The following GPC5 variants were observed in gnomAD, a reference collection of about 807,000 sequenced individuals.
The protein encoded by GPC5 is glypican-5.
A neutral mutation model predicts 53.9 loss-of-function variants in GPC5; 47 were observed. That is an observed-to-expected ratio of 0.87 (90% CI 0.69 to 1.11). GPC5 has a LOEUF of 1.11. Ranked by LOEUF, GPC5 falls within the 50% of genes most tolerant of loss-of-function variation. The probability of loss-of-function intolerance (pLI) is 0.00; values close to 1 mark genes in which losing one functional copy is unlikely to be tolerated. For synonymous variants in GPC5, 286 were observed against 263.3 expected, an observed-to-expected ratio of 1.09 and a Z score of -0.84; for missense variants, 748 against 713.1, an observed-to-expected ratio of 1.05 and a Z score of -0.56.
intron 7 of GPC5, among the ~76,000 whole-genome samples, chr13:92,367,912 C>T (rs766868041): frequency 1.3e-5 from 2 of 152,106 alleles, no homozygotes; most frequent in Non-Finnish European, 2.9e-5. Context: ...TGAAGTTGAT[C>T]AGTTACACTT....
chr13:91,762,201 A>G (rs2037427409), intron 5 of GPC5, among the ~76,000 whole-genome samples: 1 of 152,202 alleles, frequency 6.6e-6, no homozygotes, highest in Non-Finnish European at 1.5e-5. Flanking sequence ...TTAAAATCAG[A>G]TAAAATAGAA....
chr13:92,557,086 A>C (rs1882519727), intron 7 of GPC5, among the ~76,000 whole-genome samples: 1 of 150,704 alleles, frequency 6.6e-6, no homozygotes, highest in African/African-American at 2.4e-5. Context: ...GCACGATTTT[A>C]GGATCTCTGA....
In GPC5 at chr13:92,732,082, T is replaced by C. The variant is rs533890229; in HGVS notation, c.1562-134200T>C. 2.8e-4 allele frequency among the ~76,000 whole-genome samples: 42 copies of C among 151,554 alleles called. 1 individual carries two copies. The South Asian group carries it at 8.1e-3, about 29-fold the overall frequency. ...TAATTTTTTTTTAAATAGAAGCATA[T>C]GCAACTGGCTATGACAACTACAGAT... On this transcript the variant is annotated intron_variant, in intron 7 of 7. Coordinates refer to ENST00000377067, the MANE Select transcript of GPC5 (RefSeq NM_004466.6).
chr13:91,593,837 G>C (rs993725944), intron 2 of GPC5, among the ~76,000 whole-genome samples: 1 of 151,160 alleles, frequency 6.6e-6, no homozygotes, highest in Non-Finnish European at 1.5e-5. Context: ...ATAAAATAAT[G>C]TGTGGCCTGA....
intron 2 of GPC5, among the ~76,000 whole-genome samples, chr13:91,552,981 G>C (rs2030736399): frequency 6.6e-6 from 1 of 152,092 alleles, no homozygotes; most frequent in Non-Finnish European, 1.5e-5. Context: ...TAAATTTAAT[G>C]GTGCATCATG....
chr13:92,232,414 A>G (rs149064842), intron 7 of GPC5, among the ~76,000 whole-genome samples: 2 of 152,346 alleles, frequency 1.3e-5, no homozygotes, highest in South Asian at 2.1e-4. Context: ...TTCAAAAACC[A>G]TATAGCATCT....
chr13:92,678,611 G>C (rs1887021810), intron 7 of GPC5, among the ~76,000 whole-genome samples: 1 of 152,182 alleles, frequency 6.6e-6, no homozygotes, highest in African/African-American at 2.4e-5. Context: ...CGTGGAAATG[G>C]TAGAAGAGTT....
At chr13:91,816,180 C>T (rs867691252) in intron 5 of GPC5, among the ~76,000 whole-genome samples, 2 of 152,090 alleles carry the variant, frequency 1.3e-5, no homozygotes, top group Admixed American at 6.6e-5. Context: ...TTGACTGCCC[C>T]GCCTCCAAGC....
At chr13:92,402,071 G>A (rs1017350781) in intron 7 of GPC5, among the ~76,000 whole-genome samples, 4 of 151,938 alleles carry the variant, frequency 2.6e-5, no homozygotes, top group Admixed American at 6.6e-5. Flanking sequence ...CCTTTTTCCC[G>A]GAAAAAGGAA....
intron 2 of GPC5, among the ~76,000 whole-genome samples, chr13:91,644,505 T>C (rs2139512160): frequency 6.6e-6 from 1 of 152,350 alleles, no homozygotes; most frequent in Middle Eastern, 3.4e-3. Flanking sequence ...TCTCCTCTTT[T>C]CATTTTCAGT....
At chr13:91,914,443 T>C (rs1464222334) in intron 6 of GPC5, among the ~76,000 whole-genome samples, 2 of 152,094 alleles carry the variant, frequency 1.3e-5, no homozygotes, top group African/African-American at 4.8e-5. Context: ...AGACCCAAAC[T>C]TCTTTTCAAA....
At chr13:92,734,637 T>C (rs957430396) in intron 7 of GPC5, among the ~76,000 whole-genome samples, 22 of 152,066 alleles carry the variant, frequency 1.4e-4, no homozygotes, top group African/African-American at 4.6e-4. Context: ...TTCTCACTCT[T>C]AGTCCATATA....
chr13:92,629,485 A>C (rs1038157648), intron 7 of GPC5, among the ~76,000 whole-genome samples: 1 of 152,162 alleles, frequency 6.6e-6, no homozygotes. Flanking sequence ...TTACCTGTAC[A>C]TTATAAGAAA....
intron 7 of GPC5, among the ~76,000 whole-genome samples, chr13:92,228,570 T>C (rs1007969125): frequency 6.6e-6 from 1 of 152,100 alleles, no homozygotes; most frequent in Non-Finnish European, 1.5e-5. Context: ...TTTTCATATG[T>C]CCACTCAGTA....
intron 7 of GPC5, among the ~76,000 whole-genome samples, chr13:92,717,605 A>G (rs1888374126): frequency 6.6e-6 from 1 of 152,180 alleles, no homozygotes. Context: ...TATTTTCTTC[A>G]GAAGTCATCA....
At chr13:92,122,992 A>C (rs2138948114) in intron 6 of GPC5, among the ~76,000 whole-genome samples, 1 of 152,320 alleles carries the variant, frequency 6.6e-6, no homozygotes, top group Admixed American at 6.5e-5. Flanking sequence ...TGCAGAAAAT[A>C]ACTATTCTTT....
intron 6 of GPC5, among the ~76,000 whole-genome samples, chr13:91,942,961 T>C (rs548062348): frequency 3.9e-5 from 6 of 152,150 alleles, no homozygotes; most frequent in African/African-American, 7.2e-5. Context: ...GCATAAATGA[T>C]AAATAATTAT....
At chr13:92,450,935 A>C (rs1282893297) in intron 7 of GPC5, among the ~76,000 whole-genome samples, 1 of 152,212 alleles carries the variant, frequency 6.6e-6, no homozygotes, top group African/African-American at 2.4e-5. Context: ...TAAGAAAGGT[A>C]AAGGTTTTAG....
chr13:91,687,606 T>G (rs2035650251), intron 2 of GPC5, among the ~76,000 whole-genome samples: 1 of 152,012 alleles, frequency 6.6e-6, no homozygotes, highest in Admixed American at 6.6e-5. Flanking sequence ...GTAATTAGAT[T>G]GCACTTGCAG....
Sources: allele counts gnomAD v4.1 joint callset (sites outside exome capture counted in the v4.1 genomes callset), GRCh38; gene constraint gnomAD v4.1.1; transcripts MANE v1.5; gene names NCBI Gene and HGNC (gene_info 2026-07-23, HGNC 2026-07-21).